TNN: variants seen among roughly 807,000 people sequenced by gnomAD.
TNN encodes tenascin N, also known as tenascin-N.
A neutral mutation model predicts 134.4 loss-of-function variants in TNN; 122 were observed. That is an observed-to-expected ratio of 0.91 (90% confidence interval 0.78 to 1.06). The LOEUF is 1.06. Among genes scored for constraint, TNN ranks in the 50% least tolerant of loss-of-function variants. The pLI, the probability that TNN is intolerant of heterozygous loss-of-function variation, is 0.00. For missense variants in TNN, 1,739 were observed against 1,699.4 expected, an observed-to-expected ratio of 1.02 and a Z score of -0.41; for synonymous variants, 710 against 670.3, an observed-to-expected ratio of 1.06 and a Z score of -0.91.
chr1:175,127,144 T>C (rs1485719149), intron 13 of TNN, 59 bp downstream of exon 13: 1 of 1,581,074 alleles, frequency 6.3e-7, no homozygotes. Flanking sequence ...AGCAACTAAC[T>C]TGGGCCAATC....
chr1:175,102,655 G>T (rs866013085), intron 9 of TNN, among the ~76,000 whole-genome samples: 1 of 145,458 alleles, frequency 6.9e-6, no homozygotes, highest in Non-Finnish European at 1.5e-5. Flanking sequence ...AGCACCATGC[G>T]CAGCCCTGGT....
chr1:175,118,111 C>T (rs191241918), intron 10 of TNN, among the ~76,000 whole-genome samples: 1 of 152,168 alleles, frequency 6.6e-6, no homozygotes, highest in Non-Finnish European at 1.5e-5. Context: ...CCTCCAGGGG[C>T]TTACATTTAG....
chr1:175,139,913 T>A (rs1026910872), intron 17 of TNN, among the ~76,000 whole-genome samples: 22 of 152,356 alleles, frequency 1.4e-4, no homozygotes, highest in Admixed American at 5.2e-4. Flanking sequence ...AACTGAAATG[T>A]TCTTATGCAG....
Position 175,118,688 on chromosome 1 carries a change from C to T in TNN, c.2514C>T (p.Thr838=), listed in dbSNP as rs1214727265. 2.5e-6 allele frequency: 4 copies of T among 1,614,098 alleles called. No individual in the cohort carries two copies. Among genetic ancestry groups the T allele is most frequent in the Non-Finnish European group, 3.4e-6 (4 of 1,180,048 alleles). ...VVHYTSANGE[T]REVPVGKEQS... Reference sequence around the variant, plus strand: ...ACTACACGTCTGCCAACGGAGAGACCAGGGAGGTTCCAGTGGGGAAGGAGC... The same window carrying T: ...ACTACACGTCTGCCAACGGAGAGACTAGGGAGGTTCCAGTGGGGAAGGAGC... The change falls in exon 11 of 19, where the codon ACC becomes ACT. Residue 838 remains threonine (T), a synonymous_variant. Coordinates refer to ENST00000239462, the MANE Select transcript of TNN (RefSeq NM_022093.2).
intron 9 of TNN, among the ~76,000 whole-genome samples, chr1:175,111,935 A>C (rs546761145): frequency 1.3e-5 from 2 of 152,284 alleles, no homozygotes; most frequent in African/African-American, 4.8e-5. Flanking sequence ...TGTTATCTGC[A>C]AACAGGGACA....
At chr1:175,106,478 C>T (rs144947875) in intron 9 of TNN, among the ~76,000 whole-genome samples, 1,751 of 145,484 alleles carry the variant, frequency 0.012, 145 homozygotes, top group African/African-American at 0.041. Flanking sequence ...TTGGTGAGCC[C>T]GGGTGCCTAA....
At chr1:175,069,395 C>T (rs897919860) in intron 1 of TNN, among the ~76,000 whole-genome samples, 1 of 152,206 alleles carries the variant, frequency 6.6e-6, no homozygotes, top group African/African-American at 2.4e-5. Context: ...ACTCTAAGTA[C>T]TGCTTTGTCC....
At chr1:175,128,534 A>G (rs981303266) in intron 14 of TNN, 61 bp from the exon 15 acceptor site, 22 of 1,509,828 alleles carry the variant, frequency 1.5e-5, no homozygotes, top group Non-Finnish European at 1.9e-5. Context: ...AAATAGGAAG[A>G]AACTCCACCT....
chr1:175,108,971 T>C lies in TNN; in HGVS notation c.2120-7968T>C, dbSNP rs1574158671. On this transcript the variant is annotated intron_variant, in intron 9 of 18. Transcript: ENST00000239462. ...AAAGTGGGAGCCCAGGCAGAGGAGG[T>C]GCCAAGAGCAAGTGAGGGCTCTGAG... Among the ~76,000 whole-genome samples the C allele has an allele frequency of 2.0e-5, 3 of 150,174 alleles. No individual in the cohort carries two copies. In the South Asian group the frequency reaches 6.3e-4, roughly 32 times the overall value.
intron 3 of TNN, 125 bp from the exon 4 acceptor site, chr1:175,080,038 G>A: frequency 2.3e-6 from 3 of 1,298,908 alleles, no homozygotes; most frequent in Non-Finnish European, 3.2e-6. Flanking sequence ...TCTAGGGGTC[G>A]GGAATGGCGC....
chr1:175,144,339 C>G (rs773034502), intron 17 of TNN, 48 bp from the exon 18 acceptor site: 3 of 1,580,714 alleles, frequency 1.9e-6, no homozygotes, highest in Non-Finnish European at 2.6e-6. Flanking sequence ...TGATCATCTC[C>G]TCGGTGGCTA....
chr1:175,124,149 G>A (rs1675451856), intron 12 of TNN, among the ~76,000 whole-genome samples: 2 of 152,194 alleles, frequency 1.3e-5, no homozygotes, highest in Admixed American at 1.3e-4. Context: ...AGAGGCACTT[G>A]GAAGAGAGCA....
intron 7 of TNN, among the ~76,000 whole-genome samples, chr1:175,096,381 T>C (rs1674570615): frequency 6.6e-6 from 1 of 152,224 alleles, no homozygotes; most frequent in African/African-American, 2.4e-5. Context: ...TCCTGGGTGC[T>C]AAATCATTTG....
chr1:175,108,556 A>T (rs1269644174), intron 9 of TNN, among the ~76,000 whole-genome samples: 3 of 152,222 alleles, frequency 2.0e-5, no homozygotes, highest in African/African-American at 7.2e-5. Context: ...CCACGGAGGC[A>T]GGGGAAGGCT....
rs759272100 is a variant in TNN at position 175,077,748 on chromosome 1, C to A, written c.330C>A (p.Ala110=). The change falls in exon 2 of 19, where the codon GCC becomes GCA. Residue 110 remains alanine, a synonymous_variant. Transcript: ENST00000239462. ...ELAGSVQDLL[A]RVKKLEEEMV... ...CAGGCAGTGTCCAGGACCTCCTGGC[C>A]CGGGTGAAGAAGCTGGAGGAAGAGA... 8.7e-6 allele frequency: 14 copies of A among 1,614,066 alleles called. No individual in the cohort carries two copies. Among genetic ancestry groups the A allele is most frequent in the Non-Finnish European group, 1.2e-5 (14 of 1,180,038 alleles).
At chr1:175,077,060 G>A (rs1674058243) in intron 1 of TNN, among the ~76,000 whole-genome samples, 1 of 152,174 alleles carries the variant, frequency 6.6e-6, no homozygotes, top group Non-Finnish European at 1.5e-5. Context: ...TCCAGAATTA[G>A]GGGGATCAAA....
At chr1:175,113,574 G>A (rs1410663898) in intron 9 of TNN, among the ~76,000 whole-genome samples, 1 of 152,138 alleles carries the variant, frequency 6.6e-6, no homozygotes, top group Non-Finnish European at 1.5e-5. Flanking sequence ...AGGGACTTGA[G>A]CTTCCTAGAT....
At chr1:175,100,801 T>A (rs1674703278) in intron 9 of TNN, among the ~76,000 whole-genome samples, 1 of 152,226 alleles carries the variant, frequency 6.6e-6, no homozygotes, top group Admixed American at 6.5e-5. Flanking sequence ...CTGGTGTTAA[T>A]AATGATAGCT....
chr1:175,128,190 C>A, intron 14 of TNN, 26 bp downstream of exon 14: 1 of 1,560,486 alleles, frequency 6.4e-7, no homozygotes, highest in East Asian at 2.3e-5. Flanking sequence ...GTACTCTGAA[C>A]GACCGTGCAA....
Sources: allele counts gnomAD v4.1 joint callset (sites outside exome capture counted in the v4.1 genomes callset), GRCh38; gene constraint gnomAD v4.1.1; transcripts MANE v1.5; gene names NCBI Gene and HGNC (gene_info 2026-07-23, HGNC 2026-07-21).